Variants in SBF2 observed in about 807,000 individuals in gnomAD.
SBF2 encodes SET binding factor 2, also known as myotubularin-related protein 13.
A neutral mutation model predicts 225.2 loss-of-function variants in SBF2; 112 were observed. The observed-to-expected ratio is 0.50, with a 90% CI of 0.43 to 0.58. SBF2 has a LOEUF of 0.58. Among genes scored for constraint, SBF2 ranks in the 20% least tolerant of loss-of-function variants. The pLI, the probability that SBF2 is intolerant of heterozygous loss-of-function variation, is 0.00. For synonymous variants in SBF2, 763 were observed against 773.3 expected (o/e 0.99, Z 0.22); for missense variants, 1,996 against 2,206.2 (o/e 0.90, Z 1.91).
At chr11:9,905,663 G>T (rs1453436766) in intron 16 of SBF2, among the ~76,000 whole-genome samples, 1 of 152,156 alleles carries the variant, frequency 6.6e-6, no homozygotes, top group East Asian at 1.9e-4. Flanking sequence ...GGGGACCTTT[G>T]TTGGAGCCCA....
intron 1 of SBF2, among the ~76,000 whole-genome samples, chr11:10,285,257 CTG>C (rs5789632): frequency 0.27 from 41,616 of 151,604 alleles, 6,445 homozygotes; most frequent in Non-Finnish European, 0.35. Flanking sequence ...CTTCAGTAAA[CTG>C]TGATTGTGCG....
chr11:10,095,172 C>T (rs1951966910), intron 2 of SBF2, among the ~76,000 whole-genome samples: 2 of 152,068 alleles, frequency 1.3e-5, no homozygotes, highest in African/African-American at 2.4e-5. Flanking sequence ...ATCCTCACAT[C>T]TTAGCCTCCC....
intron 2 of SBF2, among the ~76,000 whole-genome samples, chr11:10,128,191 C>A (rs1953852368): frequency 1.3e-5 from 2 of 152,174 alleles, no homozygotes; most frequent in African/African-American, 2.4e-5. Context: ...TACGATTAAA[C>A]ACACACTTGT....
intron 1 of SBF2, among the ~76,000 whole-genome samples, chr11:10,237,598 G>A (rs1308192567): frequency 6.6e-6 from 1 of 152,088 alleles, no homozygotes; most frequent in East Asian, 1.9e-4. Context: ...ATTTTCTTCA[G>A]GTTTATTGTG....
At chr11:10,169,791 C>T (rs1956115994) in intron 2 of SBF2, among the ~76,000 whole-genome samples, 2 of 152,242 alleles carry the variant, frequency 1.3e-5, no homozygotes, top group South Asian at 2.1e-4. Context: ...ATTTACATTC[C>T]CACTAACACT....
At chr11:10,247,139 T>C (rs955927893) in intron 1 of SBF2, among the ~76,000 whole-genome samples, 9 of 151,984 alleles carry the variant, frequency 5.9e-5, no homozygotes, top group East Asian at 1.9e-4. Flanking sequence ...GAAAGAAACA[T>C]TGGGTGGAAT....
At chr11:9,865,787 T>A (rs1382619732) in intron 17 of SBF2, among the ~76,000 whole-genome samples, 1 of 142,806 alleles carries the variant, frequency 7.0e-6, no homozygotes, top group Non-Finnish European at 1.5e-5. Context: ...TGATAGGGAG[T>A]GACAGAGCCA....
intron 16 of SBF2, among the ~76,000 whole-genome samples, chr11:9,954,406 G>A (rs936149425): frequency 2.0e-5 from 3 of 152,140 alleles, no homozygotes; most frequent in Admixed American, 6.5e-5. Flanking sequence ...TGATAAGTAC[G>A]TTGTTGCATC....
chr11:10,213,856 A>G (rs1958029562), intron 1 of SBF2, among the ~76,000 whole-genome samples: 1 of 152,190 alleles, frequency 6.6e-6, no homozygotes, highest in Admixed American at 6.5e-5. Flanking sequence ...ACTCTTTCCC[A>G]ATCAATAACT....
intron 2 of SBF2, among the ~76,000 whole-genome samples, chr11:10,118,584 T>C (rs1377581776): frequency 6.6e-6 from 1 of 152,268 alleles, no homozygotes; most frequent in East Asian, 1.9e-4. Flanking sequence ...TAATAAATAA[T>C]ATTTGGTTGT....
chr11:9,889,605 C>T (rs779103555), intron 17 of SBF2, among the ~76,000 whole-genome samples: 1 of 152,072 alleles, frequency 6.6e-6, no homozygotes, highest in Non-Finnish European at 1.5e-5. Context: ...GAATTAGACA[C>T]ATTTTGAAAT....
intron 2 of SBF2, among the ~76,000 whole-genome samples, chr11:10,172,634 T>C (rs1268450745): frequency 6.6e-6 from 1 of 152,226 alleles, no homozygotes; most frequent in Non-Finnish European, 1.5e-5. Flanking sequence ...ATTACAGGTG[T>C]GAGCCACCAC....
At chr11:10,131,226 A>AT (rs151119580) in intron 2 of SBF2, among the ~76,000 whole-genome samples, 15,278 of 144,260 alleles carry the variant, frequency 0.11, 876 homozygotes, top group Non-Finnish European at 0.12. Flanking sequence ...ATTGCCACTA[A>AT]TTTTTTTTTT....
intron 23 of SBF2, 124 bp downstream of exon 23, chr11:9,846,832 C>T: frequency 9.2e-7 from 1 of 1,090,806 alleles, no homozygotes; most frequent in Non-Finnish European, 1.4e-6. Context: ...CCCTCTCAGA[C>T]CCTATGATCT....
In SBF2 at chr11:9,839,490, A is replaced by G. The variant is rs1271364871; in HGVS notation, c.3455+8T>C. 1 of 1,613,762 alleles carries G rather than the reference A, an allele frequency of 6.2e-7. No individual in the cohort carries two copies. Among genetic ancestry groups the G allele is most frequent in the Non-Finnish European group, 8.5e-7 (1 of 1,179,740 alleles). ...AGACCTCTTTTTGGAGCCCACTGAC[A>G]CACTTACCTCCGGCAGAGTGAATAC... On this transcript the variant is annotated splice_region_variant and intron_variant, in intron 26 of 39. Coordinates refer to ENST00000256190, the MANE Select transcript of SBF2 (RefSeq NM_030962.4).
At chr11:10,042,468 C>G in intron 3 of SBF2, among the ~76,000 whole-genome samples, 1 of 152,110 alleles carries the variant, frequency 6.6e-6, no homozygotes, top group East Asian at 1.9e-4. Flanking sequence ...TAATGTCAAG[C>G]ATTGTAATAA....
chr11:10,203,161 T>C (rs1021309630), intron 1 of SBF2, among the ~76,000 whole-genome samples: 1 of 151,424 alleles, frequency 6.6e-6, no homozygotes, highest in Non-Finnish European at 1.5e-5. Context: ...CCCAAAGAGG[T>C]TAGGGTTCAC....
chr11:10,120,990 T>C (rs1449979955), intron 2 of SBF2, among the ~76,000 whole-genome samples: 1 of 152,112 alleles, frequency 6.6e-6, no homozygotes, highest in African/African-American at 2.4e-5. Flanking sequence ...GGTCTCGAAC[T>C]CCTGTCCTCA....
intron 2 of SBF2, among the ~76,000 whole-genome samples, chr11:10,117,346 C>A (rs1238808043): frequency 6.8e-6 from 1 of 147,756 alleles, no homozygotes; most frequent in Non-Finnish European, 1.5e-5. Context: ...GAGGCTGAGG[C>A]AGGAGAACTG....
Sources: gnomAD v4.1 joint callset for allele counts (sites outside exome capture counted in the v4.1 genomes callset) on GRCh38, gnomAD v4.1.1 for gene constraint, MANE v1.5 for transcripts, NCBI Gene and HGNC (gene_info 2026-07-23, HGNC 2026-07-21) for gene names.